GRIN2A: variants seen among roughly 807,000 people sequenced by gnomAD.
The protein encoded by GRIN2A is glutamate receptor ionotropic, NMDA 2A.
GRIN2A carries 22 observed loss-of-function variants against 113.4 expected under a neutral mutation model. The observed-to-expected ratio is 0.19, with a 90% CI of 0.14 to 0.28. The LOEUF is 0.28. Among genes scored for constraint, GRIN2A ranks in the 10% least tolerant of loss-of-function variants. The pLI, the probability that GRIN2A is intolerant of heterozygous loss-of-function variation, is 1.00. For missense variants in GRIN2A, 1,502 were observed against 1,887.0 expected, an observed-to-expected ratio of 0.80 and a Z score of 3.78; for synonymous variants, 827 against 738.4, an observed-to-expected ratio of 1.12 and a Z score of -1.94.
chr16:10,156,112 C>G (rs1225068804), intron 2 of GRIN2A, among the ~76,000 whole-genome samples: 1 of 152,170 alleles, frequency 6.6e-6, no homozygotes, highest in East Asian at 1.9e-4. Context: ...GCCCATCTGC[C>G]CACTCTGCAC....
chr16:9,944,488 A>G (rs1455839719), intron 2 of GRIN2A, among the ~76,000 whole-genome samples: 1 of 152,024 alleles, frequency 6.6e-6, no homozygotes, highest in Admixed American at 6.5e-5. Context: ...CCTCACCATC[A>G]TCATCATGAC....
chr16:9,936,009 T>C (rs1225638834), intron 3 of GRIN2A, among the ~76,000 whole-genome samples: 3 of 152,204 alleles, frequency 2.0e-5, no homozygotes, highest in African/African-American at 4.8e-5. Context: ...GCCTGCTGAC[T>C]GTAATTTCTG....
chr16:10,039,463 G>A (rs1419542629), intron 2 of GRIN2A, among the ~76,000 whole-genome samples: 2 of 152,142 alleles, frequency 1.3e-5, no homozygotes, highest in African/African-American at 2.4e-5. Context: ...AGATAGAGTT[G>A]TTTGTTTGAA....
intron 11 of GRIN2A, among the ~76,000 whole-genome samples, chr16:9,797,275 G>A (rs749507165): frequency 3.9e-5 from 6 of 152,094 alleles, no homozygotes; most frequent in Non-Finnish European, 5.9e-5. Flanking sequence ...TCCTCATACC[G>A]AGCTCATTTT....
At chr16:9,890,121 G>C (rs1014430318) in intron 4 of GRIN2A, among the ~76,000 whole-genome samples, 1 of 152,114 alleles carries the variant, frequency 6.6e-6, no homozygotes, top group Non-Finnish European at 1.5e-5. Flanking sequence ...GCCTCCATTT[G>C]ATGTACTAAG....
chr16:9,793,214 G>A (rs986077035), intron 11 of GRIN2A, among the ~76,000 whole-genome samples: 1 of 152,162 alleles, frequency 6.6e-6, no homozygotes, highest in African/African-American at 2.4e-5. Flanking sequence ...GCATAGTGCT[G>A]AACCATAGAT....
intron 5 of GRIN2A, among the ~76,000 whole-genome samples, chr16:9,847,897 CA>C (rs2042803829): frequency 6.8e-6 from 1 of 146,422 alleles, no homozygotes; most frequent in Non-Finnish European, 1.5e-5. Flanking sequence ...TTCTCCAAAC[CA>C]AAACAGGCCT....
chr16:10,074,231 G>A (rs996854290), intron 2 of GRIN2A, among the ~76,000 whole-genome samples: 1 of 152,216 alleles, frequency 6.6e-6, no homozygotes, highest in African/African-American at 2.4e-5. Context: ...AATAACAAAT[G>A]TTGACCAGGA....
intron 4 of GRIN2A, among the ~76,000 whole-genome samples, chr16:9,872,113 T>C (rs1439373644): frequency 6.6e-6 from 1 of 152,190 alleles, no homozygotes; most frequent in Non-Finnish European, 1.5e-5. Context: ...ATTTAATAAA[T>C]AGTAGCTTTA....
intron 4 of GRIN2A, among the ~76,000 whole-genome samples, chr16:9,854,074 T>C (rs1178036620): frequency 6.6e-6 from 1 of 152,164 alleles, no homozygotes; most frequent in Non-Finnish European, 1.5e-5. Flanking sequence ...CCACAGCTTC[T>C]AACTCAGGGC....
At chr16:10,055,047 CAAAAAAAAAAAAAAA>C (rs71133304) in intron 2 of GRIN2A, among the ~76,000 whole-genome samples, 7 of 10,400 alleles carry the variant, frequency 6.7e-4, no homozygotes, top group South Asian at 8.8e-3. Flanking sequence ...GACTCTATCT[CAAAAAAAAAAAAAAA>C]AAAAAAAAAA....
At chr16:9,786,256 G>C (rs1412784134) in intron 11 of GRIN2A, among the ~76,000 whole-genome samples, 1 of 152,178 alleles carries the variant, frequency 6.6e-6, no homozygotes, top group Non-Finnish European at 1.5e-5. Flanking sequence ...CCTGTATCGA[G>C]GCCAAACATC....
chr16:10,007,144 T>C (rs1190516007), intron 2 of GRIN2A, among the ~76,000 whole-genome samples: 4 of 152,250 alleles, frequency 2.6e-5, no homozygotes, highest in South Asian at 2.1e-4. Flanking sequence ...TTTGGGTATA[T>C]AGTTGACAGC....
At chr16:10,173,259 G>T (rs747249248) in intron 2 of GRIN2A, among the ~76,000 whole-genome samples, 93 of 152,200 alleles carry the variant, frequency 6.1e-4, no homozygotes, top group Non-Finnish European at 8.7e-4. Flanking sequence ...ATTCCGATCT[G>T]TGCGTCTGCC....
intron 2 of GRIN2A, among the ~76,000 whole-genome samples, chr16:10,054,796 C>T (rs967449387): frequency 6.6e-6 from 1 of 151,774 alleles, no homozygotes. Context: ...GCCTGTAAGC[C>T]TACCATTTTG....
chr16:10,068,748 T>TGAGAGTAAAGGACAGAGGCCAGA, intron 2 of GRIN2A, among the ~76,000 whole-genome samples: 1 of 152,112 alleles, frequency 6.6e-6, no homozygotes, highest in Non-Finnish European at 1.5e-5. Flanking sequence ...GTTAGTGCCA[T>TGAGAGTAAAGGACAGAGGCCAGA]GAGAGTAAAG....
intron 2 of GRIN2A, among the ~76,000 whole-genome samples, chr16:10,052,298 T>C (rs2047372473): frequency 6.6e-6 from 1 of 152,214 alleles, no homozygotes; most frequent in Non-Finnish European, 1.5e-5. Context: ...TAAAGACCTG[T>C]GGGTTGGATG....
intron 10 of GRIN2A, among the ~76,000 whole-genome samples, chr16:9,815,153 C>T (rs902173455): frequency 3.3e-5 from 5 of 152,014 alleles, no homozygotes; most frequent in East Asian, 1.9e-4. Context: ...AACACATACA[C>T]GGAGATGGGA....
chr16:9,924,850 T>G (rs550540491), intron 3 of GRIN2A, among the ~76,000 whole-genome samples: 1 of 152,214 alleles, frequency 6.6e-6, no homozygotes, highest in African/African-American at 2.4e-5. Flanking sequence ...ATTTTATATC[T>G]AGTAGTTTGA....
Sources: gnomAD v4.1 joint callset for allele counts (sites outside exome capture counted in the v4.1 genomes callset) on GRCh38, gnomAD v4.1.1 for gene constraint, MANE v1.5 for transcripts, NCBI Gene and HGNC (gene_info 2026-07-23, HGNC 2026-07-21) for gene names.